USP40: variants seen among roughly 807,000 people sequenced by gnomAD.
The protein encoded by USP40 is ubiquitin carboxyl-terminal hydrolase 40.
In USP40, 143 loss-of-function variants were observed where a neutral mutation model predicts 166.2. That is an observed-to-expected ratio of 0.86 (90% CI 0.75 to 0.99). The LOEUF (loss-of-function observed/expected upper bound fraction) is 0.99, where lower values mean the gene tolerates loss of function less well. Among genes scored for constraint, USP40 ranks in the 50% least tolerant of loss-of-function variants. USP40 has a pLI of 0.00. For missense variants in USP40, 1,444 were observed against 1,479.7 expected (o/e 0.98, Z 0.40); for synonymous variants, 498 against 524.0 (o/e 0.95, Z 0.68).
chr2:233,489,073 G>A (rs1253463844), intron 27 of USP40, among the ~76,000 whole-genome samples: 1 of 152,176 alleles, frequency 6.6e-6, no homozygotes, highest in Non-Finnish European at 1.5e-5. Context: ...ATTTCTGAGT[G>A]AGAAACAGCC....
At chr2:233,532,374 T>G (rs184656148) in intron 11 of USP40, among the ~76,000 whole-genome samples, 147 of 152,306 alleles carry the variant, frequency 9.7e-4, no homozygotes, top group African/African-American at 3.4e-3. Context: ...GTAACTTCAC[T>G]TCAGCCTCTG....
rs1434444966 is a variant in USP40 at position 233,493,186 on chromosome 2, T to C, written c.2917+239A>G. ...ATAAAAGTCTTTGGAAAGTGTAATA[T>C]ATTGATATAATAATAAACAACAAGA... On this transcript the variant is annotated intron_variant, in intron 25 of 31. Transcript: ENST00000678225. This position sits in a 1 kb window ranked among gnomAD's most constrained non-coding sequence, Gnocchi z 4.7. 29 of 571,590 alleles carry C rather than the reference T, an allele frequency of 5.1e-5. No individual in the cohort carries two copies. The highest frequency in any genetic ancestry group is 7.6e-5 in the Non-Finnish European group (25 of 330,354). 35.4% of individuals were successfully genotyped at this position (571,590 alleles called of 1,614,324 possible).
intron 23 of USP40, among the ~76,000 whole-genome samples, 183 bp from the exon 24 acceptor site, chr2:233,497,015 G>A (rs897496329): frequency 6.6e-6 from 1 of 152,166 alleles, no homozygotes; most frequent in African/African-American, 2.4e-5. Context: ...GTTAAATTGT[G>A]GGGCATAAGC....
In USP40 at chr2:233,566,668, C is replaced by T. The variant is rs937181325; in HGVS notation, c.-20+16G>A. On this transcript the variant is annotated intron_variant, in intron 1 of 31. Coordinates refer to ENST00000678225, the MANE Select transcript of USP40 (RefSeq NM_001365479.2). ...CCACGTCCCTCCCAGGATCCCCGGG[C>T]GCCAGCCGCACTTACTGCCTAAAGC... The T allele has an allele frequency of 4.3e-5, 42 of 985,444 alleles. No homozygotes were observed. Among genetic ancestry groups the T allele is most frequent in the Non-Finnish European group, 4.8e-5 (40 of 829,602 alleles). The allele number at this position is 985,444 out of a possible 1,614,324, so 61.0% of individuals were successfully genotyped here. A position where few individuals can be genotyped will look rare whatever the true frequency, so the allele number is the denominator to read the frequency against.
At chr2:233,479,399 C>T (rs1430367044) in intron 31 of USP40, among the ~76,000 whole-genome samples, 16 of 152,074 alleles carry the variant, frequency 1.1e-4, no homozygotes, top group Admixed American at 1.0e-3. Context: ...CTCGTCTCTA[C>T]TAAAAATACA....
chr2:233,530,991 C>A (rs1025780002), intron 11 of USP40, among the ~76,000 whole-genome samples: 6 of 152,014 alleles, frequency 3.9e-5, no homozygotes, highest in Non-Finnish European at 8.8e-5. Context: ...ACACATTTTA[C>A]GATTCCTTTT....
chr2:233,482,235 GGGGAGGCTGAGGCTGGGGAAT>G (rs2064656665), intron 30 of USP40, among the ~76,000 whole-genome samples: 1 of 152,034 alleles, frequency 6.6e-6, no homozygotes, highest in South Asian at 2.1e-4. Context: ...TAAAAATTGT[GGGGAGGCTGAGGCTGGGGAAT>G]GGGAGACTGA....
chr2:233,511,258 A>T (rs538321508), intron 20 of USP40, among the ~76,000 whole-genome samples: 98 of 152,338 alleles, frequency 6.4e-4, no homozygotes, highest in Non-Finnish European at 1.2e-3. Flanking sequence ...TAGTGCAGAG[A>T]GTAATTAAGT....
intron 21 of USP40, among the ~76,000 whole-genome samples, chr2:233,500,825 A>G (rs943580109): frequency 6.6e-6 from 1 of 152,246 alleles, no homozygotes; most frequent in African/African-American, 2.4e-5. Flanking sequence ...CTTCATTTCT[A>G]TATGTATGTA....
chr2:233,510,392 C>CT (rs1158427662), intron 20 of USP40, among the ~76,000 whole-genome samples: 3,587 of 68,706 alleles, frequency 0.052, 499 homozygotes, highest in African/African-American at 0.1. Context: ...CTTTTTCTTT[C>CT]TTTTTTTTTT....
chr2:233,561,105 T>C (rs915125172), intron 3 of USP40: 15 of 1,536,728 alleles, frequency 9.8e-6, no homozygotes, highest in Non-Finnish European at 1.3e-5. Context: ...ATTCCTTCTT[T>C]AAAAAAAATT....
intron 11 of USP40, among the ~76,000 whole-genome samples, chr2:233,531,498 G>A (rs929691212): frequency 2.6e-5 from 4 of 152,038 alleles, no homozygotes; most frequent in Non-Finnish European, 5.9e-5. Context: ...ATTCAATTCT[G>A]TGAAAAAGAC....
At chr2:233,488,108 T>C in intron 28 of USP40, 131 bp downstream of exon 28, 3 of 774,874 alleles carry the variant, frequency 3.9e-6, no homozygotes, top group Non-Finnish European at 6.8e-6. Context: ...TAGCACACAC[T>C]CTGTTTCAAG....
In USP40 at chr2:233,524,514, A is replaced by T; in HGVS notation, c.1859T>A (p.Ile620Asn). The stretch of plus-strand genomic sequence containing the variant: ...TACCTCCACCCCATTCCACACAAAG[A>T]TGTCTTCCCCATCAGCAATTTCAGT... The part of the protein sequence containing the change: ...CETEIADGED[I>N]FVWNGVEVGG... The change falls in exon 15 of 32, where the codon ATC becomes AAC. Residue 620 changes from isoleucine to asparagine, a missense_variant. Coordinates refer to ENST00000678225, the MANE Select transcript of USP40 (RefSeq NM_001365479.2). 2 of 1,607,090 alleles carry T rather than the reference A, an allele frequency of 1.2e-6. No individual in the cohort carries two copies. Among genetic ancestry groups the T allele is most frequent in the Non-Finnish European group, 1.7e-6 (2 of 1,177,362 alleles).
At chr2:233,518,251 TAAAAAAAAAAAAA>T (rs1156279626) in intron 18 of USP40, among the ~76,000 whole-genome samples, 10 of 49,830 alleles carry the variant, frequency 2.0e-4, no homozygotes, top group African/African-American at 1.8e-4. Flanking sequence ...TAACAGATTC[TAAAAAAAAAAAAA>T]AAAAAAAAAA....
At chr2:233,513,580 T>C (rs889498912) in intron 18 of USP40, among the ~76,000 whole-genome samples, 1 of 152,192 alleles carries the variant, frequency 6.6e-6, no homozygotes, top group Non-Finnish European at 1.5e-5. Context: ...ATACCATGGT[T>C]GCTGAAATTT....
chr2:233,563,211 C>T (rs1421358188), intron 2 of USP40, among the ~76,000 whole-genome samples: 1 of 152,190 alleles, frequency 6.6e-6, no homozygotes, highest in Non-Finnish European at 1.5e-5. Context: ...TCCTCTTTTA[C>T]TCTGAGATGC....
At chr2:233,531,710 G>A (rs1352536959) in intron 11 of USP40, among the ~76,000 whole-genome samples, 1 of 152,138 alleles carries the variant, frequency 6.6e-6, no homozygotes, top group Non-Finnish European at 1.5e-5. Context: ...ATGCAAATTA[G>A]TAACTGCTTT....
chr2:233,525,365 A>T, intron 14 of USP40, 113 bp downstream of exon 14: 1 of 643,254 alleles, frequency 1.6e-6, no homozygotes, highest in Non-Finnish European at 2.7e-6. Flanking sequence ...TAATCTACTT[A>T]GTTAAGAAAG....
Sources: gnomAD v4.1 joint callset for allele counts (sites outside exome capture counted in the v4.1 genomes callset) on GRCh38, gnomAD v4.1.1 for gene constraint, Gnocchi (gnomAD v3.1) non-coding constraint, MANE v1.5 for transcripts, NCBI Gene and HGNC (gene_info 2026-07-23, HGNC 2026-07-21) for gene names.